The following RAD54L2 variants were observed in gnomAD, a reference collection of about 807,000 sequenced individuals.
RAD54L2 encodes the protein RAD54 like 2.
Under a neutral mutation model 138.4 loss-of-function variants are expected in RAD54L2, and 27 were observed. That is an observed-to-expected ratio of 0.20 (90% confidence interval 0.14 to 0.27). The LOEUF (loss-of-function observed/expected upper bound fraction) is 0.27. RAD54L2 is among the 10% of genes least tolerant of loss of function. The pLI is 1.00. For missense variants in RAD54L2, 1,396 were observed against 1,890.2 expected (o/e 0.74, Z 4.85); for synonymous variants, 644 against 723.2 (o/e 0.89, Z 1.76).
chr3:51,604,469 A>G (rs577554624), intron 3 of RAD54L2, among the ~76,000 whole-genome samples: 1 of 152,142 alleles, frequency 6.6e-6, no homozygotes, highest in Non-Finnish European at 1.5e-5. Context: ...TTTCAGGGAA[A>G]TGGGAGTAGA....
At chr3:51,651,267 C>T (rs754513258) in intron 19 of RAD54L2, among the ~76,000 whole-genome samples, 5 of 152,168 alleles carry the variant, frequency 3.3e-5, no homozygotes, top group Non-Finnish European at 7.3e-5. Flanking sequence ...AGACCAACAA[C>T]AGGCTCTGAA....
intron 3 of RAD54L2, 36 bp from the exon 4 acceptor site, chr3:51,627,517 C>T: frequency 6.5e-7 from 1 of 1,536,412 alleles, no homozygotes; most frequent in Admixed American, 2.0e-5. Context: ...TCCCCCTCAC[C>T]CCTATAAAGC....
intron 1 of RAD54L2, 102 bp from the exon 2 acceptor site, chr3:51,541,487 T>C (rs1553671310): frequency 6.6e-6 from 1 of 152,204 alleles, no homozygotes; most frequent in East Asian, 1.9e-4. Flanking sequence ...ACAAATACTA[T>C]ATGTGTTCAG....
rs935932710 is a variant in RAD54L2, at chr3:51,666,792, G to A, written c.*3372G>A. 6.6e-6 allele frequency: 1 copy of A among 152,048 alleles called. No individual in the cohort carries two copies. The highest frequency in any genetic ancestry group is 2.4e-5 in the African/African-American group (1 of 41,394). 9.4% of individuals were successfully genotyped at this position (152,048 alleles called of 1,614,324 possible). On this transcript the variant is annotated 3_prime_UTR_variant, in exon 23 of 23. Coordinates refer to ENST00000684192, the MANE Select transcript of RAD54L2 (RefSeq NM_015106.4). ...TAAGGATAATTCTGTCTGGTCCTTG[G>A]AGCTCTCTTCCCTAGGAATTAGTGT...
rs1698928065 is a variant in RAD54L2 at position 51,554,921 on chromosome 3, C to T, written c.-55+13271C>T. On this transcript the variant is annotated intron_variant, in intron 2 of 22. Coordinates refer to ENST00000684192, the MANE Select transcript of RAD54L2 (RefSeq NM_015106.4). The stretch of plus-strand genomic sequence containing the variant: ...GCAGTGGTGCGACCTCTGCTTACTG[C>T]AGCCTCTGCCTCCCAGGTTCAAGCG... 1.3e-5 allele frequency among the ~76,000 whole-genome samples: 2 copies of T among 152,162 alleles called. 1 individual carries two copies. Among genetic ancestry groups the T allele is most frequent in the South Asian group, 4.1e-4 (2 of 4,832 alleles).
chr3:51,644,071 C>A, intron 16 of RAD54L2, 97 bp downstream of exon 16: 1 of 945,400 alleles, frequency 1.1e-6, no homozygotes, highest in Non-Finnish European at 1.6e-6. Context: ...CAGAAGAGAT[C>A]AGCTCAGGTT....
chr3:51,631,048 G>C, intron 7 of RAD54L2, 117 bp downstream of exon 7: 1 of 1,021,686 alleles, frequency 9.8e-7, no homozygotes, highest in East Asian at 2.6e-5. Context: ...ACCAAGAGCA[G>C]CTTGTTCAGC....
chr3:51,627,788 G>A (rs750385952), intron 4 of RAD54L2, 34 bp downstream of exon 4: 16 of 1,606,906 alleles, frequency 1.0e-5, no homozygotes, highest in African/African-American at 1.3e-5. Context: ...GAGAGGGAAA[G>A]GAATAGAGAT....
rs554579923 is a variant in RAD54L2 at position 51,634,104 on chromosome 3, C to T, written c.1142+69C>T. On this transcript the variant is annotated intron_variant, in intron 9 of 22. Coordinates refer to ENST00000684192, the MANE Select transcript of RAD54L2 (RefSeq NM_015106.4). ...TTCTGTCCGTGATCTGATGTTAAGG[C>T]AGTCTCTTTGAGTGTGTAGCCTGTG... is the stretch of plus-strand genomic sequence containing the variant. 1.6e-4 allele frequency: 242 copies of T among 1,549,742 alleles called. No homozygotes were observed. In the East Asian group the frequency reaches 2.3e-3, roughly 15 times the overall value.
chr3:51,566,466 GTT>G (rs71084149), intron 2 of RAD54L2, among the ~76,000 whole-genome samples: 1 of 31,532 alleles, frequency 3.2e-5, no homozygotes, highest in Admixed American at 4.5e-4. Flanking sequence ...CCTTTTCTGC[GTT>G]TTTTTTTTTT....
intron 2 of RAD54L2, among the ~76,000 whole-genome samples, chr3:51,571,933 A>G (rs562800796): frequency 6.6e-6 from 1 of 152,216 alleles, no homozygotes; most frequent in East Asian, 1.9e-4. Flanking sequence ...TCCAGACTCC[A>G]TATACTTTTC....
rs749027629 is a variant in RAD54L2, at chr3:51,641,822, G to A, written c.2305G>A (p.Glu769Lys). 8 of 1,597,578 alleles carry A rather than the reference G, an allele frequency of 5.0e-6. No homozygotes were observed. Among genetic ancestry groups the A allele is most frequent in the Middle Eastern group, 1.7e-4 (1 of 6,048 alleles). Residue 769 changes from glutamate (E) to lysine (K), a missense_variant, in exon 15 of 23, where the codon GAG (glutamate) becomes AAG (lysine). This residue lies in a region of RAD54L2 where 211 missense variants were observed against 273.8 expected (regional missense o/e 0.77). Transcript: ENST00000684192. ...AGAAGTACCCTGTCCACCTGGTACC[G>A]AGGGGCAAGGAGCACAGAAGTGGGT... is the stretch of plus-strand genomic sequence containing the variant. ...KREVPCPPGT[E>K]GQGAQKWVRN...
intron 10 of RAD54L2, among the ~76,000 whole-genome samples, chr3:51,636,619 G>A (rs1013564683): frequency 6.6e-6 from 1 of 152,188 alleles, no homozygotes; most frequent in Non-Finnish European, 1.5e-5. Context: ...ATGCAAGTCA[G>A]TTATACTTTT....
chr3:51,620,968 A>G (rs1391415574), intron 3 of RAD54L2, among the ~76,000 whole-genome samples: 1 of 151,988 alleles, frequency 6.6e-6, no homozygotes, highest in African/African-American at 2.4e-5. Flanking sequence ...TGGAAGTTAC[A>G]TTATTTTGCT....
chr3:51,646,945 G>T (rs2106828259), intron 19 of RAD54L2, among the ~76,000 whole-genome samples: 2 of 152,262 alleles, frequency 1.3e-5, no homozygotes, highest in Non-Finnish European at 2.9e-5. Context: ...TCTCTTTTTT[G>T]AGTATAACAT....
chr3:51,662,882 C>T lies in RAD54L2; in HGVS notation c.3866C>T (p.Pro1289Leu), dbSNP rs772916552. The change falls in exon 23 of 23, where the codon CCA becomes CTA. Residue 1289 changes from proline (P) to leucine (L), a missense_variant. By Grantham distance (98) the Pro-to-Leu change is moderately conservative. Around this residue, in one of 7 missense-constraint regions of RAD54L2, gnomAD observed 634 missense variants for 711.2 expected, o/e 0.89. Transcript: ENST00000684192. The surrounding 1 kb of genome is among the most constrained non-coding windows in gnomAD (Gnocchi z 4.6). ...APVQPYEHGY[P>L]VSGGFAMPPV... ...GTGCAGCCGTATGAACACGGGTATCCAGTCTCTGGCGGGTTTGCCATGCCA... is the reference window on the plus strand; with the variant it reads ...GTGCAGCCGTATGAACACGGGTATCTAGTCTCTGGCGGGTTTGCCATGCCA... 1.1e-5 allele frequency: 18 copies of T among 1,613,720 alleles called. No individual in the cohort carries two copies. Among genetic ancestry groups the T allele is most frequent in the Non-Finnish European group, 1.4e-5 (17 of 1,179,872 alleles).
chr3:51,639,535 A>G lies in RAD54L2; in HGVS notation c.1977A>G (p.Pro659=), dbSNP rs761310702. The G allele has an allele frequency of 1.1e-5, 17 of 1,613,926 alleles. No homozygotes were observed. In the African/African-American group the frequency reaches 2.1e-4, roughly 20 times the overall value. The change falls in exon 13 of 23, where the codon CCA becomes CCG. Residue 659 remains proline, a synonymous_variant. Coordinates refer to ENST00000684192, the MANE Select transcript of RAD54L2 (RefSeq NM_015106.4). Reference sequence around the variant, plus strand: ...CAGGGACCAGTGCCCGCTGTCCACCACAGGGAACAAAAGGCAAGGGAGAGG... The same window carrying G: ...CAGGGACCAGTGCCCGCTGTCCACCGCAGGGAACAAAAGGCAAGGGAGAGG... ...GSAGTSARCP[P]QGTKGKGEDS...
intron 3 of RAD54L2, among the ~76,000 whole-genome samples, chr3:51,610,369 C>T (rs528035114): frequency 4.9e-4 from 75 of 152,004 alleles, no homozygotes; most frequent in African/African-American, 1.8e-3. Context: ...TTTGGGAGGC[C>T]GAGATGGGCG....
rs1701007748 is a variant in RAD54L2 at position 51,637,328 on chromosome 3, T to G, written c.1507T>G (p.Trp503Gly). 6.2e-7 allele frequency: 1 copy of G among 1,613,696 alleles called. No individual in the cohort carries two copies. The highest frequency in any genetic ancestry group is 8.5e-7 in the Non-Finnish European group (1 of 1,179,792). ...YPLQNNLIEY[W>G]CMVDFVRPDF... ...TCTGCAAAACAACCTCATTGAGTAC[T>G]GGTGCATGGTGGACTTTGTGCGCCC... is the stretch of plus-strand genomic sequence containing the variant. Residue 503 changes from tryptophan (W) to glycine (G), a missense_variant, in exon 11 of 23, where the codon TGG (tryptophan) becomes GGG (glycine). Around this residue, in one of 7 missense-constraint regions of RAD54L2, gnomAD observed 36 missense variants for 107.2 expected, o/e 0.34. Coordinates refer to ENST00000684192, the MANE Select transcript of RAD54L2 (RefSeq NM_015106.4). The surrounding 1 kb of genome is among the most constrained non-coding windows in gnomAD (Gnocchi z 5.9).
Sources: gnomAD v4.1 joint callset for allele counts (sites outside exome capture counted in the v4.1 genomes callset) on GRCh38, gnomAD v4.1.1 for gene constraint, gnomAD v4.1.1 regional missense constraint, Gnocchi (gnomAD v3.1) non-coding constraint, MANE v1.5 for transcripts, NCBI Gene and HGNC (gene_info 2026-07-23, HGNC 2026-07-21) for gene names.